Variants in SLC2A13 observed in about 807,000 individuals in gnomAD.
SLC2A13 encodes proton myo-inositol cotransporter.
SLC2A13 carries 32 observed loss-of-function variants against 64.4 expected under a neutral mutation model. That is an observed-to-expected ratio of 0.50 (90% CI 0.37 to 0.67). The LOEUF is 0.67. SLC2A13 is among the 30% of genes least tolerant of loss of function. SLC2A13 has a pLI of 0.00. For synonymous variants in SLC2A13, 338 were observed against 327.1 expected (o/e 1.03, Z -0.36); for missense variants, 743 against 829.2 (o/e 0.90, Z 1.28).
chr12:39,918,362 C>CTTTTTTTTTTT lies in SLC2A13; in HGVS notation c.1034+32884_1034+32894dup, dbSNP rs5797644. On this transcript the variant is annotated intron_variant, in intron 4 of 9. Coordinates refer to ENST00000280871, the MANE Select transcript of SLC2A13 (RefSeq NM_052885.4). ...GAATGTATAACAGAACAGAAGTTTC[C>CTTTTTTTTTTT]TTTTTTTTTTTTTTTCGGTACGAAA... is the stretch of plus-strand genomic sequence containing the variant. Among the ~76,000 whole-genome samples, 2 of 147,306 alleles carry CTTTTTTTTTTT rather than the reference C, an allele frequency of 1.4e-5. 1 individual carries two copies. The highest frequency in any genetic ancestry group is 3.0e-5 in the Non-Finnish European group (2 of 67,100).
intron 7 of SLC2A13, among the ~76,000 whole-genome samples, chr12:39,808,021 G>A (rs1341382956): frequency 2.6e-5 from 4 of 151,968 alleles, no homozygotes; most frequent in East Asian, 1.9e-4. Flanking sequence ...CCAATTTTAC[G>A]TGTAAGTCAA....
intron 7 of SLC2A13, chr12:39,829,813 T>C (rs950989334): frequency 1.4e-5 from 5 of 361,892 alleles, no homozygotes; most frequent in South Asian, 9.8e-5. Flanking sequence ...GTGGGAGAAA[T>C]TGCCTTGGCA....
chr12:39,970,538 C>G (rs1285713115), intron 3 of SLC2A13, among the ~76,000 whole-genome samples: 2 of 152,114 alleles, frequency 1.3e-5, no homozygotes, highest in East Asian at 1.9e-4. Context: ...TTCATTTCAG[C>G]AACCTTTATG....
At chr12:40,046,100 C>T (rs1013675521) in intron 2 of SLC2A13, among the ~76,000 whole-genome samples, 1 of 152,176 alleles carries the variant, frequency 6.6e-6, no homozygotes, top group African/African-American at 2.4e-5. Flanking sequence ...ACGCTAAACA[C>T]TTTACATATA....
chr12:39,828,315 C>T (rs777695850), intron 7 of SLC2A13, among the ~76,000 whole-genome samples: 10 of 151,754 alleles, frequency 6.6e-5, no homozygotes, highest in Non-Finnish European at 1.2e-4. Context: ...CTGTGAACAT[C>T]ATTTTTTTTT....
At chr12:39,974,349 G>T (rs1423750851) in intron 3 of SLC2A13, among the ~76,000 whole-genome samples, 1 of 152,174 alleles carries the variant, frequency 6.6e-6, no homozygotes, top group Non-Finnish European at 1.5e-5. Flanking sequence ...GAACAGCACA[G>T]AGAGGGTTGG....
Position 40,061,809 on chromosome 12 carries a change from CA to C in SLC2A13, c.557-13600del, listed in dbSNP as rs200751726. Among the ~76,000 whole-genome samples the C allele has an allele frequency of 3.1e-3, 358 of 116,050 alleles. 1 individual carries two copies. The highest frequency in any genetic ancestry group is 4.5e-3 in the Middle Eastern group (1 of 220). 76.1% of individuals were successfully genotyped at this position (116,050 alleles called of 152,430 possible). On this transcript the variant is annotated intron_variant, in intron 1 of 9. Transcript: ENST00000280871. ...GTGGGGGTTTTCAAATTTGACAATC[CA>C]AAAAAAAAAAAAGGAAATTTAAAAG...
At chr12:39,940,643 G>C (rs1356187760) in intron 4 of SLC2A13, among the ~76,000 whole-genome samples, 1 of 149,688 alleles carries the variant, frequency 6.7e-6, no homozygotes, top group Non-Finnish European at 1.5e-5. Context: ...TGAGATGGCT[G>C]TGATTTTTTT....
At chr12:39,842,652 A>G (rs1464927397) in intron 6 of SLC2A13, among the ~76,000 whole-genome samples, 1 of 152,070 alleles carries the variant, frequency 6.6e-6, no homozygotes, top group African/African-American at 2.4e-5. Flanking sequence ...AAAATTTACC[A>G]TTTTAACAAT....
chr12:40,009,596 A>AT (rs1947488324), intron 3 of SLC2A13, among the ~76,000 whole-genome samples: 1 of 152,040 alleles, frequency 6.6e-6, no homozygotes, highest in South Asian at 2.1e-4. Context: ...CACCCAGCCA[A>AT]TTTTTTAAAA....
intron 3 of SLC2A13, among the ~76,000 whole-genome samples, chr12:39,970,322 T>C (rs1159197865): frequency 1.3e-5 from 2 of 152,208 alleles, no homozygotes; most frequent in Admixed American, 1.3e-4. Flanking sequence ...AGTGGTTTTT[T>C]CCAATTCTGT....
chr12:39,839,178 C>G (rs765067416), intron 6 of SLC2A13, among the ~76,000 whole-genome samples: 2 of 152,038 alleles, frequency 1.3e-5, no homozygotes, highest in Non-Finnish European at 2.9e-5. Context: ...TCTGGTTTAC[C>G]AGAGAACACC....
At position 39,764,858 on chromosome 12, in the gene SLC2A13, C is replaced by G; in HGVS notation, c.1446G>C (p.Arg482Ser). 2 of 1,610,710 alleles carry G rather than the reference C, an allele frequency of 1.2e-6. No individual in the cohort carries two copies. The highest frequency in any genetic ancestry group is 1.7e-6 in the Non-Finnish European group (2 of 1,178,418). ...KASTNEAAWG[R>S]CENETKFKTE... ...TTTTGAACTTGGTTTCATTTTCACACCTGAAAAATAATGCAATATAAGTAT... is the reference window on the plus strand; with the variant it reads ...TTTTGAACTTGGTTTCATTTTCACAGCTGAAAAATAATGCAATATAAGTAT... The change falls in exon 8 of 10, where the codon AGG becomes AGC. Residue 482 changes from arginine (R) to serine (S), a missense_variant and splice_region_variant. Coordinates refer to ENST00000280871, the MANE Select transcript of SLC2A13 (RefSeq NM_052885.4).
chr12:40,065,608 T>A (rs1008946865), intron 1 of SLC2A13, among the ~76,000 whole-genome samples: 1 of 151,876 alleles, frequency 6.6e-6, no homozygotes, highest in African/African-American at 2.4e-5. Context: ...CAAAAATTAT[T>A]AGCTGTCATC....
At chr12:39,903,531 G>T (rs1945192342) in intron 4 of SLC2A13, among the ~76,000 whole-genome samples, 1 of 152,042 alleles carries the variant, frequency 6.6e-6, no homozygotes, top group African/African-American at 2.4e-5. Flanking sequence ...CTCATGACAA[G>T]ATTCTGGGGT....
chr12:39,788,001 T>A (rs2135755975), intron 7 of SLC2A13, among the ~76,000 whole-genome samples: 1 of 152,312 alleles, frequency 6.6e-6, no homozygotes, highest in African/African-American at 2.4e-5. Context: ...GGAATGAGAA[T>A]GTAGTAATTT....
At chr12:40,038,532 C>T (rs1235382560) in intron 2 of SLC2A13, among the ~76,000 whole-genome samples, 2 of 151,974 alleles carry the variant, frequency 1.3e-5, no homozygotes, top group East Asian at 1.9e-4. Context: ...GAGTTTAAGA[C>T]AAGCCTGGGC....
chr12:39,881,978 A>G (rs887932554), intron 4 of SLC2A13, among the ~76,000 whole-genome samples: 1 of 152,084 alleles, frequency 6.6e-6, no homozygotes, highest in African/African-American at 2.4e-5. Flanking sequence ...TAACTGCTCT[A>G]CCACCAAAAT....
intron 6 of SLC2A13, among the ~76,000 whole-genome samples, chr12:39,833,838 C>A: frequency 6.6e-6 from 1 of 151,004 alleles, no homozygotes; most frequent in East Asian, 1.9e-4. Flanking sequence ...TAATATGGCA[C>A]CTTGGAGCTC....
Sources: gnomAD v4.1 joint callset for allele counts (sites outside exome capture counted in the v4.1 genomes callset) on GRCh38, gnomAD v4.1.1 for gene constraint, MANE v1.5 for transcripts, NCBI Gene and HGNC (gene_info 2026-07-23, HGNC 2026-07-21) for gene names.